TCERG1L: variants seen among roughly 807,000 people sequenced by gnomAD.
TCERG1L encodes the protein transcription elongation regulator 1-like protein.
Under a neutral mutation model 56.3 loss-of-function variants are expected in TCERG1L, and 37 were observed. That is an observed-to-expected ratio of 0.66 (90% CI 0.51 to 0.87). The LOEUF (loss-of-function observed/expected upper bound fraction) is 0.87. Among genes scored for constraint, TCERG1L ranks in the 40% least tolerant of loss-of-function variants. TCERG1L has a pLI of 0.00. For missense variants in TCERG1L, 799 were observed against 774.2 expected (o/e 1.03, Z -0.38); for synonymous variants, 324 against 326.3 (o/e 0.99, Z 0.08).
At chr10:131,195,113 G>A (rs183137246) in intron 4 of TCERG1L, among the ~76,000 whole-genome samples, 54 of 152,264 alleles carry the variant, frequency 3.5e-4, no homozygotes, top group East Asian at 2.9e-3. Context: ...TTATAAGCAC[G>A]AGGAACAGAC....
intron 3 of TCERG1L, among the ~76,000 whole-genome samples, chr10:131,264,291 C>T (rs900330461): frequency 6.6e-5 from 10 of 152,322 alleles, no homozygotes; most frequent in Admixed American, 5.9e-4. Context: ...TGCCAGAGCA[C>T]AGGTGCAGCA....
intron 3 of TCERG1L, among the ~76,000 whole-genome samples, chr10:131,275,443 T>C (rs1485739220): frequency 6.6e-6 from 1 of 152,242 alleles, no homozygotes; most frequent in Non-Finnish European, 1.5e-5. Flanking sequence ...GCGTTGTTAT[T>C]ATTGTGATTT....
At chr10:131,182,143 G>A (rs1845186437) in intron 4 of TCERG1L, among the ~76,000 whole-genome samples, 1 of 152,218 alleles carries the variant, frequency 6.6e-6, no homozygotes, top group Non-Finnish European at 1.5e-5. Context: ...GTGTGTATGA[G>A]CATGTGTGTG....
At chr10:131,122,164 C>A (rs1487494453) in intron 8 of TCERG1L, among the ~76,000 whole-genome samples, 2 of 152,214 alleles carry the variant, frequency 1.3e-5, no homozygotes, top group African/African-American at 4.8e-5. Context: ...CTGGTCTTTA[C>A]TCCCAGTTCT....
chr10:131,264,483 G>C (rs973404789), intron 3 of TCERG1L, among the ~76,000 whole-genome samples: 9 of 152,204 alleles, frequency 5.9e-5, no homozygotes, highest in African/African-American at 1.2e-4. Context: ...TCGGGCTCCT[G>C]GTTCAAAGCC....
chr10:131,298,604 G>C (rs1846722890), intron 3 of TCERG1L, among the ~76,000 whole-genome samples: 1 of 152,154 alleles, frequency 6.6e-6, no homozygotes, highest in Non-Finnish European at 1.5e-5. Context: ...AGTAGAGACA[G>C]GGTTTTGCCA....
chr10:131,189,115 G>A (rs1439710970), intron 4 of TCERG1L, among the ~76,000 whole-genome samples: 1 of 152,140 alleles, frequency 6.6e-6, no homozygotes, highest in Admixed American at 6.5e-5. Context: ...AGGACATGTA[G>A]GTTTTTCTAG....
intron 8 of TCERG1L, among the ~76,000 whole-genome samples, chr10:131,117,623 C>A (rs1228582430): frequency 6.6e-6 from 1 of 152,154 alleles, no homozygotes; most frequent in East Asian, 1.9e-4. Flanking sequence ...AAGGTGGAAC[C>A]AAGGGTGGGG....
intron 4 of TCERG1L, among the ~76,000 whole-genome samples, chr10:131,214,050 GC>G (rs1752298826): frequency 6.6e-6 from 1 of 151,786 alleles, no homozygotes; most frequent in Admixed American, 6.6e-5. Context: ...ACACACACAC[GC>G]ACACACACAC....
At position 131,137,136 on chromosome 10, in the gene TCERG1L, T is replaced by C. The variant is rs558681707; in HGVS notation, c.1190-2688A>G. On this transcript the variant is annotated intron_variant, in intron 7 of 11. Transcript: ENST00000368642. ...GCCTGGGTGAAAGATCAAAACTCTG[T>C]CTCAAAAAACAACAAACAAACAAAC... Among the ~76,000 whole-genome samples the C allele has an allele frequency of 1.9e-4, 27 of 145,780 alleles. 1 individual carries two copies. In the South Asian group the frequency reaches 6.4e-3, roughly 34 times the overall value.
intron 6 of TCERG1L, 51 bp downstream of exon 6, chr10:131,163,071 A>T: frequency 7.2e-7 from 1 of 1,397,748 alleles, no homozygotes; most frequent in Non-Finnish European, 9.6e-7. Context: ...GGCAAATGCC[A>T]GGACCAGACA....
chr10:131,112,377 C>A (rs148781432), intron 9 of TCERG1L, among the ~76,000 whole-genome samples: 1 of 142,728 alleles, frequency 7.0e-6, no homozygotes, highest in African/African-American at 2.5e-5. Flanking sequence ...GGGCTCCTTC[C>A]CAGGACTTTC....
intron 8 of TCERG1L, among the ~76,000 whole-genome samples, chr10:131,126,780 A>C (rs1174596614): frequency 2.0e-5 from 3 of 152,218 alleles, no homozygotes; most frequent in Non-Finnish European, 4.4e-5. Flanking sequence ...GGCAGCACAG[A>C]CACCAGGCCA....
At chr10:131,116,288 T>C (rs866054154) in intron 9 of TCERG1L, among the ~76,000 whole-genome samples, 11 of 151,854 alleles carry the variant, frequency 7.2e-5, no homozygotes, top group African/African-American at 2.7e-4. Context: ...AGGGAGGGAG[T>C]ACCACTAGGT....
At chr10:131,224,492 C>T (rs532253615) in intron 4 of TCERG1L, among the ~76,000 whole-genome samples, 1 of 152,192 alleles carries the variant, frequency 6.6e-6, no homozygotes, top group African/African-American at 2.4e-5. Flanking sequence ...GGGGTTTTAT[C>T]TAATTCACCA....
chr10:131,120,307 G>C (rs1342231018), intron 8 of TCERG1L, among the ~76,000 whole-genome samples: 1 of 152,154 alleles, frequency 6.6e-6, no homozygotes, highest in Non-Finnish European at 1.5e-5. Context: ...CAGTGGAGCT[G>C]AGTTCTGGGC....
At chr10:131,251,316 C>G (rs927170520) in intron 4 of TCERG1L, among the ~76,000 whole-genome samples, 3 of 151,862 alleles carry the variant, frequency 2.0e-5, no homozygotes, top group South Asian at 4.2e-4. Flanking sequence ...CCCCCGGCCC[C>G]TCCTCCCAGC....
chr10:131,214,176 C>T (rs1227241850), intron 4 of TCERG1L, among the ~76,000 whole-genome samples: 1 of 152,146 alleles, frequency 6.6e-6, no homozygotes, highest in African/African-American at 2.4e-5. Flanking sequence ...AGAGCCTGCC[C>T]AGGGAGGGGT....
intron 10 of TCERG1L, among the ~76,000 whole-genome samples, chr10:131,100,159 G>A (rs1219928547): frequency 1.3e-5 from 2 of 152,182 alleles, no homozygotes; most frequent in Non-Finnish European, 2.9e-5. Flanking sequence ...GAGCCACCAC[G>A]CCAAGCCATA....
Sources: allele counts gnomAD v4.1 joint callset (sites outside exome capture counted in the v4.1 genomes callset), GRCh38; gene constraint gnomAD v4.1.1; transcripts MANE v1.5; gene names NCBI Gene and HGNC (gene_info 2026-07-23, HGNC 2026-07-21).